Variants in QSER1 observed in about 807,000 individuals in gnomAD.
QSER1 encodes glutamine and serine rich 1, also known as glutamine and serine-rich protein 1.
A neutral mutation model predicts 158.5 loss-of-function variants in QSER1; 49 were observed. The ratio of observed to expected loss-of-function variants is 0.31; its 90% CI spans 0.25 to 0.39. The LOEUF (loss-of-function observed/expected upper bound fraction) is 0.39. QSER1 is among the 10% of genes least tolerant of loss of function. The probability of loss-of-function intolerance (pLI) is 1.00; values close to 1 mark genes in which losing one functional copy is unlikely to be tolerated. For synonymous variants in QSER1, 650 were observed against 715.5 expected (o/e 0.91, Z 1.46); for missense variants, 1,754 against 2,010.3 (o/e 0.87, Z 2.44).
In QSER1 at chr11:32,893,586, G is replaced by C. The variant is rs1851514879; in HGVS notation, c.209+252G>C. On this transcript the variant is annotated intron_variant, in intron 1 of 12. Coordinates refer to ENST00000650167, the MANE Select transcript of QSER1 (RefSeq NM_001076786.3). The surrounding 1 kb of genome is among the most constrained non-coding windows in gnomAD (Gnocchi z 4.7). Reference sequence around the variant, plus strand: ...AGCTGGGCGGGAGTCGTGGGGCTCCGTCACCTCTTGGGTCCTGGGCTCTCA... The same window carrying C: ...AGCTGGGCGGGAGTCGTGGGGCTCCCTCACCTCTTGGGTCCTGGGCTCTCA... 6.6e-6 allele frequency among the ~76,000 whole-genome samples: 1 copy of C among 152,158 alleles called. No homozygotes were observed. Among genetic ancestry groups the C allele is most frequent in the Non-Finnish European group, 1.5e-5 (1 of 68,032 alleles).
intron 8 of QSER1, among the ~76,000 whole-genome samples, chr11:32,961,848 G>C (rs1852630799): frequency 6.6e-6 from 1 of 151,972 alleles, no homozygotes; most frequent in South Asian, 2.1e-4. Flanking sequence ...CCTTTTTATG[G>C]CTAAGTAATA....
At chr11:32,923,001 C>T (rs1851918134) in intron 1 of QSER1, among the ~76,000 whole-genome samples, 3 of 152,184 alleles carry the variant, frequency 2.0e-5, no homozygotes, top group Non-Finnish European at 1.5e-5. Context: ...AACTTATGCA[C>T]ATGTGTATAG....
chr11:32,966,626 T>C lies in QSER1; in HGVS notation c.5107+189T>C, dbSNP rs1852754559. 3.9e-5 allele frequency among the ~76,000 whole-genome samples: 6 copies of C among 152,342 alleles called. No individual in the cohort carries two copies. The South Asian group carries it at 8.3e-4, about 21-fold the overall frequency. On this transcript the variant is annotated intron_variant, in intron 9 of 12. Transcript: ENST00000650167. Reference sequence around the variant, plus strand: ...ATGCATTCTCTGAATATTTGAACTTTTATTGCTTTCTACTCATGGGAAAAT... The same window carrying C: ...ATGCATTCTCTGAATATTTGAACTTCTATTGCTTTCTACTCATGGGAAAAT...
rs752076434 is a variant in QSER1, at chr11:32,969,026, A to G, written c.5108-20A>G. The stretch of plus-strand genomic sequence containing the variant: ...ATATTTATTGATAGTTTATCCTGTT[A>G]AATTATAATGTTGTTTCAGATGAGC... On this transcript the variant is annotated intron_variant, in intron 9 of 12. Transcript: ENST00000650167. The G allele has an allele frequency of 7.7e-7, 1 of 1,305,952 alleles. No homozygotes were observed. The highest frequency in any genetic ancestry group is 1.4e-5 in the South Asian group (1 of 73,420). 80.9% of individuals were successfully genotyped at this position (1,305,952 alleles called of 1,614,324 possible).
chr11:32,941,094 A>C (rs745953235), intron 4 of QSER1, among the ~76,000 whole-genome samples: 3 of 151,780 alleles, frequency 2.0e-5, no homozygotes, highest in Non-Finnish European at 4.4e-5. Context: ...GTTTCAGTTT[A>C]TAATGCTCTC....
chr11:32,922,571 G>A (rs1165558847), intron 1 of QSER1, among the ~76,000 whole-genome samples: 1 of 135,652 alleles, frequency 7.4e-6, no homozygotes, highest in African/African-American at 2.8e-5. Context: ...TGCAACCTCC[G>A]CCTCCCAGGT....
intron 8 of QSER1, among the ~76,000 whole-genome samples, chr11:32,960,126 C>G (rs901933988): frequency 2.6e-5 from 4 of 152,128 alleles, no homozygotes; most frequent in African/African-American, 9.7e-5. Flanking sequence ...ATCTACACAC[C>G]CAGCTACTTG....
At chr11:32,906,114 T>G (rs976673711) in intron 1 of QSER1, among the ~76,000 whole-genome samples, 5 of 151,392 alleles carry the variant, frequency 3.3e-5, no homozygotes, top group South Asian at 2.1e-4. Context: ...GTTTTTTTTT[T>G]TTTTTTTTTT....
intron 1 of QSER1, among the ~76,000 whole-genome samples, chr11:32,912,932 T>G (rs58219633): frequency 0.033 from 5,038 of 152,048 alleles, 273 homozygotes; most frequent in African/African-American, 0.11. Context: ...TAAATTTAAC[T>G]CTTACTAAAA....
In QSER1 at chr11:32,960,942, A is replaced by G. The variant is rs527576082; in HGVS notation, c.4969+2856A>G. On this transcript the variant is annotated intron_variant, in intron 8 of 12. Coordinates refer to ENST00000650167, the MANE Select transcript of QSER1 (RefSeq NM_001076786.3). ...TTTCAGGACTCCAATGGAATCTTCA[A>G]ACACATTGAGGATTCCAGATACTTT... Among the ~76,000 whole-genome samples, 20 of 152,318 alleles carry G rather than the reference A, an allele frequency of 1.3e-4. No homozygotes were observed. In the South Asian group the frequency reaches 3.3e-3, roughly 25 times the overall value.
At chr11:32,971,770 G>A (rs1390002439) in intron 10 of QSER1, among the ~76,000 whole-genome samples, 2 of 152,008 alleles carry the variant, frequency 1.3e-5, no homozygotes, top group Non-Finnish European at 2.9e-5. Context: ...TTTTAAAAAG[G>A]TACCGTTTTC....
intron 1 of QSER1, among the ~76,000 whole-genome samples, chr11:32,909,441 C>T (rs1851736165): frequency 6.6e-6 from 1 of 150,376 alleles, no homozygotes; most frequent in African/African-American, 2.4e-5. Flanking sequence ...AACTCTAGAT[C>T]ATTTTTTTTT....
At chr11:32,928,961 AG>A (rs2091505413) in intron 3 of QSER1, among the ~76,000 whole-genome samples, 1 of 152,152 alleles carries the variant, frequency 6.6e-6, no homozygotes, top group East Asian at 1.9e-4. Context: ...GTATTTAGTT[AG>A]ATTTTCCTAT....
At chr11:32,923,307 C>T (rs1851921001) in intron 1 of QSER1, among the ~76,000 whole-genome samples, 1 of 152,160 alleles carries the variant, frequency 6.6e-6, no homozygotes, top group Non-Finnish European at 1.5e-5. Context: ...TGCAGAGAGG[C>T]AGGGGGAATC....
chr11:32,963,200 G>C (rs1852659329), intron 8 of QSER1, among the ~76,000 whole-genome samples: 1 of 152,120 alleles, frequency 6.6e-6, no homozygotes, highest in African/African-American at 2.4e-5. Context: ...CTGTCACCCA[G>C]GCTGGAGTGC....
chr11:32,951,347 T>G (rs1032250466), intron 4 of QSER1, among the ~76,000 whole-genome samples: 6 of 152,230 alleles, frequency 3.9e-5, no homozygotes, highest in African/African-American at 1.4e-4. Context: ...ATGGTAAGTT[T>G]TGAAATTGAG....
chr11:32,920,126 A>G (rs551850566), intron 1 of QSER1, among the ~76,000 whole-genome samples: 1 of 152,238 alleles, frequency 6.6e-6, no homozygotes, highest in Admixed American at 6.5e-5. Context: ...GGCACTAGGT[A>G]TGTTCTTTGC....
At chr11:32,945,380 G>C (rs923988912) in intron 4 of QSER1, among the ~76,000 whole-genome samples, 1 of 151,626 alleles carries the variant, frequency 6.6e-6, no homozygotes, top group African/African-American at 2.4e-5. Flanking sequence ...GGTACCGGTT[G>C]TTCCTTTCCA....
rs770050453 is a variant in QSER1, at chr11:32,933,301, A to G, written c.2043A>G (p.Ser681=). 2 of 1,609,996 alleles carry G rather than the reference A, an allele frequency of 1.2e-6. No individual in the cohort carries two copies. The highest frequency in any genetic ancestry group is 2.2e-5 in the South Asian group (2 of 90,134). The part of the protein sequence containing the change: ...PKSYAERKLD[S]DVYPSSKQED... ...CTTATGCTGAAAGAAAGCTTGACTCAGATGTGTATCCATCTTCAAAGCAAG... is the reference window on the plus strand; with the variant it reads ...CTTATGCTGAAAGAAAGCTTGACTCGGATGTGTATCCATCTTCAAAGCAAG... Residue 681 remains serine, a synonymous_variant, in exon 4 of 13, where the codon TCA becomes TCG. Transcript: ENST00000650167.
Sources: gnomAD v4.1 joint callset for allele counts (sites outside exome capture counted in the v4.1 genomes callset) on GRCh38, gnomAD v4.1.1 for gene constraint, Gnocchi (gnomAD v3.1) non-coding constraint, MANE v1.5 for transcripts, NCBI Gene and HGNC (gene_info 2026-07-23, HGNC 2026-07-21) for gene names.